Variants in SEC62 observed in about 807,000 individuals in gnomAD.
SEC62 encodes SEC62 preprotein translocation factor, also known as translocation protein SEC62.
SEC62 carries 10 observed loss-of-function variants against 47.5 expected under a neutral mutation model. The ratio of observed to expected loss-of-function variants is 0.21; its 90% CI spans 0.13 to 0.36. The LOEUF is 0.36. SEC62 is among the 10% of genes least tolerant of loss of function. The pLI is 1.00. For synonymous variants in SEC62, 136 were observed against 150.5 expected, an observed-to-expected ratio of 0.90 and a Z score of 0.71; for missense variants, 327 against 464.1, an observed-to-expected ratio of 0.70 and a Z score of 2.71.
At chr3:169,988,511 G>GC (rs1715161297) in intron 7 of SEC62, 152 bp downstream of exon 7, 1 of 885,984 alleles carries the variant, frequency 1.1e-6, no homozygotes, top group African/African-American at 1.7e-5. Flanking sequence ...CAAAACTCAG[G>GC]CTTGGTAAGA....
intron 7 of SEC62, among the ~76,000 whole-genome samples, chr3:169,991,968 A>G (rs1393744097): frequency 6.6e-6 from 1 of 152,188 alleles, no homozygotes; most frequent in African/African-American, 2.4e-5. Context: ...TGTATAGAAA[A>G]TATAATATTT....
intron 1 of SEC62, among the ~76,000 whole-genome samples, chr3:169,971,393 C>A (rs891115085): frequency 2.6e-5 from 4 of 152,174 alleles, no homozygotes; most frequent in Non-Finnish European, 5.9e-5. Flanking sequence ...TCTTCTACAG[C>A]AATCTATCTT....
chr3:169,979,498 A>C (rs890271470), intron 3 of SEC62, among the ~76,000 whole-genome samples: 1 of 152,188 alleles, frequency 6.6e-6, no homozygotes, highest in Non-Finnish European at 1.5e-5. Context: ...AAGTCTCCAC[A>C]AGACTTTGTA....
intron 5 of SEC62, chr3:169,983,826 A>G (rs913185507): frequency 6.6e-6 from 1 of 152,220 alleles, no homozygotes; most frequent in African/African-American, 2.4e-5. Context: ...TTATTTGCCC[A>G]GCCGAAATGT....
At chr3:169,983,438 CTG>C (rs1290861160) in intron 5 of SEC62, 185 bp downstream of exon 5, 1 of 413,272 alleles carries the variant, frequency 2.4e-6, no homozygotes, top group East Asian at 4.2e-5. Flanking sequence ...TCAGATTTGA[CTG>C]TGAGTGATAG....
chr3:169,992,479 T>G lies in SEC62; in HGVS notation c.731-115T>G. 1 of 700,764 alleles carries G rather than the reference T, an allele frequency of 1.4e-6. No individual in the cohort carries two copies. Among genetic ancestry groups the G allele is most frequent in the Non-Finnish European group, 2.4e-6 (1 of 420,106 alleles). The allele number at this position is 700,764 out of a possible 1,614,324, so 43.4% of individuals were successfully genotyped here. On this transcript the variant is annotated intron_variant, in intron 7 of 7. Transcript: ENST00000337002. This position sits in a 1 kb window ranked among gnomAD's most constrained non-coding sequence, Gnocchi z 4.0. ...TAATCAGGATTTAAATATTAATATTTAAGGTGTATGAAATGTGCAGATAAT... is the reference window on the plus strand; with the variant it reads ...TAATCAGGATTTAAATATTAATATTGAAGGTGTATGAAATGTGCAGATAAT...
intron 3 of SEC62, 30 bp downstream of exon 3, chr3:169,977,081 A>G (rs746049736): frequency 5.3e-6 from 8 of 1,496,534 alleles, no homozygotes; most frequent in Non-Finnish European, 7.4e-6. Flanking sequence ...GAAGAATAAC[A>G]TAATAATTTT....
intron 1 of SEC62, among the ~76,000 whole-genome samples, chr3:169,974,097 A>T (rs78127635): frequency 0.051 from 7,728 of 152,282 alleles, 676 homozygotes; most frequent in African/African-American, 0.18. Flanking sequence ...AGTTGGATAG[A>T]TTCTTTTTTC....
intron 5 of SEC62, among the ~76,000 whole-genome samples, chr3:169,984,672 GGAAACTGGCAGAAGTAATATCTGT>G (rs1715057000): frequency 1.3e-5 from 2 of 152,064 alleles, no homozygotes; most frequent in South Asian, 4.1e-4. Flanking sequence ...TTTTTAGAAT[GGAAACTGGCAGAAGTAATATCTGT>G]GAATCTGATT....
chr3:169,975,821 C>G (rs1714822537), intron 2 of SEC62, 105 bp downstream of exon 2: 1 of 676,626 alleles, frequency 1.5e-6, no homozygotes, highest in Non-Finnish European at 2.7e-6. Flanking sequence ...TGTGATTGTT[C>G]TGGTGATGGA....
At position 169,982,881 on chromosome 3, in the gene SEC62, A is replaced by G. The variant is rs1326417026; in HGVS notation, c.426A>G (p.Lys142=). 3 of 1,565,202 alleles carry G rather than the reference A, an allele frequency of 1.9e-6. No homozygotes were observed. Among genetic ancestry groups the G allele is most frequent in the Non-Finnish European group, 2.6e-6 (3 of 1,166,410 alleles). The change falls in exon 4 of 8, where the codon AAA becomes AAG. Residue 142 remains lysine, a synonymous_variant. Transcript: ENST00000337002. The part of the protein sequence containing the change: ...DEKTKKEKEK[K]KDGEKEESKK... ...AGACAAAAAAAGAAAAAGAGAAAAA[A>G]AAAGATGGTGAAAAGGAAGAATCCA...
At chr3:169,984,651 A>G (rs1480103348) in intron 5 of SEC62, among the ~76,000 whole-genome samples, 1 of 152,214 alleles carries the variant, frequency 6.6e-6, no homozygotes, top group African/African-American at 2.4e-5. Context: ...TCTTTTTTAA[A>G]AAAACATGTT....
At chr3:169,974,428 A>G (rs1304991373) in intron 1 of SEC62, among the ~76,000 whole-genome samples, 1 of 152,246 alleles carries the variant, frequency 6.6e-6, no homozygotes, top group Non-Finnish European at 1.5e-5. Context: ...TTTCTTCAGT[A>G]CGTGAGTAGG....
intron 5 of SEC62, among the ~76,000 whole-genome samples, chr3:169,984,179 T>C (rs1011761745): frequency 2.0e-5 from 3 of 152,220 alleles, no homozygotes; most frequent in Non-Finnish European, 4.4e-5. Context: ...CTTACTTGCA[T>C]GAGACTATCT....
chr3:169,974,394 T>C (rs1714776431), intron 1 of SEC62, among the ~76,000 whole-genome samples: 1 of 152,192 alleles, frequency 6.6e-6, no homozygotes, highest in African/African-American at 2.4e-5. Context: ...ACATAAGATG[T>C]ATACAAAGAT....
chr3:169,975,475 G>A (rs891906829), intron 1 of SEC62, 133 bp from the exon 2 acceptor site: 12 of 539,296 alleles, frequency 2.2e-5, no homozygotes, highest in African/African-American at 7.6e-5. Context: ...TTATTAGGTC[G>A]CTCCAGAGAA....
rs1715298024 is a variant in SEC62, at chr3:169,993,476, T to C, written c.*413T>C. 6.4e-6 allele frequency: 1 copy of C among 156,986 alleles called. No homozygotes were observed. Among genetic ancestry groups the C allele is most frequent in the East Asian group, 1.9e-4 (1 of 5,332 alleles). 9.7% of individuals were successfully genotyped at this position (156,986 alleles called of 1,614,324 possible). A position where few individuals can be genotyped will look rare whatever the true frequency, so the allele number is the denominator to read the frequency against. ...ATAGTTATGTAGCCATTTCACAGTT[T>C]CTTTAAGATGTGTAAACTCATTGTC... On this transcript the variant is annotated 3_prime_UTR_variant, in exon 8 of 8. Transcript: ENST00000337002.
At position 169,997,994 on chromosome 3, in the gene SEC62, G is replaced by A. The variant is rs2108292589; in HGVS notation, c.*4931G>A. 6.6e-6 allele frequency: 1 copy of A among 152,290 alleles called. No individual in the cohort carries two copies. Among genetic ancestry groups the A allele is most frequent in the African/African-American group, 2.4e-5 (1 of 41,548 alleles). 9.4% of individuals were successfully genotyped at this position (152,290 alleles called of 1,614,324 possible). A position where few individuals can be genotyped will look rare whatever the true frequency, so the allele number is the denominator to read the frequency against. Reference sequence around the variant, plus strand: ...TGTAACATGAAAATACCTGATTTCTGTTGACAAAGTTACTGCTAGTACAAC... The same window carrying A: ...TGTAACATGAAAATACCTGATTTCTATTGACAAAGTTACTGCTAGTACAAC... On this transcript the variant is annotated 3_prime_UTR_variant, in exon 8 of 8. Coordinates refer to ENST00000337002, the MANE Select transcript of SEC62 (RefSeq NM_003262.4).
chr3:169,975,282 A>G (rs936781602), intron 1 of SEC62, among the ~76,000 whole-genome samples: 3 of 145,862 alleles, frequency 2.1e-5, no homozygotes, highest in Admixed American at 2.0e-4. Context: ...CTCCATCTCA[A>G]AAAAAAAAAA....
Sources: allele counts gnomAD v4.1 joint callset (sites outside exome capture counted in the v4.1 genomes callset), GRCh38; gene constraint gnomAD v4.1.1; non-coding constraint Gnocchi (gnomAD v3.1); transcripts MANE v1.5; gene names NCBI Gene and HGNC (gene_info 2026-07-23, HGNC 2026-07-21).